The following SGPP2 variants were observed in gnomAD, a reference collection of about 807,000 sequenced individuals.
The protein encoded by SGPP2 is sphingosine-1-phosphate phosphatase 2.
In SGPP2, 30 loss-of-function variants were observed where a neutral mutation model predicts 33.9. That is an observed-to-expected ratio of 0.89 (90% CI 0.66 to 1.20). SGPP2 has a LOEUF of 1.20. Among genes scored for constraint, SGPP2 ranks in the 50% most tolerant of loss-of-function variants. The pLI is 0.00. For synonymous variants in SGPP2, 233 were observed against 225.0 expected (o/e 1.04, Z -0.32); for missense variants, 458 against 532.1 (o/e 0.86, Z 1.37).
intron 1 of SGPP2, among the ~76,000 whole-genome samples, chr2:222,467,260 G>T (rs78042606): frequency 0.016 from 2,483 of 151,434 alleles, 69 homozygotes; most frequent in African/African-American, 0.057. Context: ...CAGGTCATTC[G>T]GATGCATATT....
intron 2 of SGPP2, among the ~76,000 whole-genome samples, chr2:222,502,717 C>T (rs1698385686): frequency 6.6e-6 from 1 of 152,162 alleles, no homozygotes; most frequent in African/African-American, 2.4e-5. Context: ...TGGATAAAGG[C>T]AGCAGCTGCT....
At position 222,477,129 on chromosome 2, in the gene SGPP2, G is replaced by T. The variant is rs542339890; in HGVS notation, c.378+2403G>T. Among the ~76,000 whole-genome samples the T allele has an allele frequency of 6.6e-6, 1 of 151,526 alleles. No homozygotes were observed. The highest frequency in any genetic ancestry group is 1.9e-4 in the East Asian group (1 of 5,156). On this transcript the variant is annotated intron_variant, in intron 2 of 4. Coordinates refer to ENST00000321276, the MANE Select transcript of SGPP2 (RefSeq NM_152386.4). The surrounding 1 kb of genome is among the most constrained non-coding windows in gnomAD (Gnocchi z 6.0). ...TAGGTGTGTATATATGTGTATGTGTGTGTATATAGGTGTGTATATATCTGT... is the reference window on the plus strand; with the variant it reads ...TAGGTGTGTATATATGTGTATGTGTTTGTATATAGGTGTGTATATATCTGT...
At chr2:222,454,081 C>T (rs1697533806) in intron 1 of SGPP2, among the ~76,000 whole-genome samples, 1 of 152,204 alleles carries the variant, frequency 6.6e-6, no homozygotes, top group Admixed American at 6.5e-5. Context: ...CTTTTGTTAA[C>T]AATTACCATT....
chr2:222,466,125 C>T (rs1697740562), intron 1 of SGPP2, among the ~76,000 whole-genome samples: 1 of 152,010 alleles, frequency 6.6e-6, no homozygotes, highest in Non-Finnish European at 1.5e-5. Context: ...GAGACCATAT[C>T]TCTACTTAAA....
At chr2:222,434,806 G>T (rs920439329) in intron 1 of SGPP2, among the ~76,000 whole-genome samples, 1 of 151,962 alleles carries the variant, frequency 6.6e-6, no homozygotes, top group Non-Finnish European at 1.5e-5. Flanking sequence ...AAAAGACCAG[G>T]CCTTAATTGG....
chr2:222,489,858 G>A (rs563715915), intron 2 of SGPP2, among the ~76,000 whole-genome samples: 35 of 152,192 alleles, frequency 2.3e-4, no homozygotes, highest in African/African-American at 7.7e-4. Flanking sequence ...CCAGCTACTC[G>A]GGAGGCTGAG....
chr2:222,544,655 G>T (rs1189907033), intron 4 of SGPP2, among the ~76,000 whole-genome samples: 1 of 152,168 alleles, frequency 6.6e-6, no homozygotes, highest in Non-Finnish European at 1.5e-5. Context: ...GTTCAGTGCA[G>T]ATACAACCAT....
At position 222,558,512 on chromosome 2, in the gene SGPP2, C is replaced by T. The variant is rs1353042352; in HGVS notation, c.814C>T (p.Pro272Ser). The T allele has an allele frequency of 3.1e-6, 5 of 1,614,180 alleles. No individual in the cohort carries two copies. In the Admixed American group the frequency reaches 5.0e-5, roughly 16 times the overall value. The change falls in exon 5 of 5, where the codon CCA becomes TCA. Residue 272 changes from proline (P) to serine (S), a missense_variant. Physicochemically the swap from Pro to Ser is moderately conservative, Grantham distance 74 (BLOSUM62 -1). Transcript: ENST00000321276. ...TTACCCTGTTTCTGATTACTACAGC[C>T]CAACCCGGGCGGACACCACCACCAT... The part of the protein sequence containing the change: ...YNYPVSDYYS[P>S]TRADTTTILA...
intron 1 of SGPP2, among the ~76,000 whole-genome samples, chr2:222,430,175 A>G (rs1312635582): frequency 6.6e-6 from 1 of 152,210 alleles, no homozygotes; most frequent in Non-Finnish European, 1.5e-5. Flanking sequence ...GAGCCCATGA[A>G]GTCTTGAGTT....
chr2:222,429,162 T>C (rs1307886940), intron 1 of SGPP2, among the ~76,000 whole-genome samples: 1 of 152,148 alleles, frequency 6.6e-6, no homozygotes. Context: ...GTATAGTCAC[T>C]TAGAGAAGCT....
At position 222,424,641 on chromosome 2, in the gene SGPP2, C is replaced by A. The variant is rs907090886; in HGVS notation, c.39C>A (p.Leu13=). The change falls in exon 1 of 5, where the codon CTC becomes CTA. Residue 13 remains leucine, a synonymous_variant. Coordinates refer to ENST00000321276, the MANE Select transcript of SGPP2 (RefSeq NM_152386.4). ...ELLRSLQDSQ[L]VARFQRRCGL... Reference sequence around the variant, plus strand: ...TGCGGAGCCTGCAGGATTCCCAGCTCGTCGCCCGCTTCCAGCGCCGCTGCG... The same window carrying A: ...TGCGGAGCCTGCAGGATTCCCAGCTAGTCGCCCGCTTCCAGCGCCGCTGCG... 3.7e-5 allele frequency: 53 copies of A among 1,426,468 alleles called. No individual in the cohort carries two copies. The African/African-American group carries it at 7.2e-4, about 20-fold the overall frequency. The allele number at this position is 1,426,468 out of a possible 1,614,324, so 88.4% of individuals were successfully genotyped here.
rs1335292452 is a variant in SGPP2, at chr2:222,550,857, A to G, written c.649-7490A>G. 6.6e-6 allele frequency among the ~76,000 whole-genome samples: 1 copy of G among 152,196 alleles called. No homozygotes were observed. Among genetic ancestry groups the G allele is most frequent in the Admixed American group, 6.5e-5 (1 of 15,274 alleles). On this transcript the variant is annotated intron_variant, in intron 4 of 4. Coordinates refer to ENST00000321276, the MANE Select transcript of SGPP2 (RefSeq NM_152386.4). This position sits in a 1 kb window ranked among gnomAD's most constrained non-coding sequence, Gnocchi z 4.5. ...AGCTGAAATAACCCAACAAGAACCA[A>G]ACAGGAATCATCCCTGTATGTAAAC...
intron 1 of SGPP2, among the ~76,000 whole-genome samples, chr2:222,432,618 T>C (rs555327774): frequency 1.4e-3 from 210 of 152,140 alleles, no homozygotes; most frequent in African/African-American, 4.5e-3. Flanking sequence ...AATGTTAGAG[T>C]TCTGACAAAC....
Position 222,550,341 on chromosome 2 carries a change from T to C in SGPP2, c.649-8006T>C, listed in dbSNP as rs1689272088. ...ACACTTTGATTTTCACATTCTGATTTTTTTCCTCCTTGATTTCATTTTATT... is the reference window on the plus strand; with the variant it reads ...ACACTTTGATTTTCACATTCTGATTCTTTTCCTCCTTGATTTCATTTTATT... On this transcript the variant is annotated intron_variant, in intron 4 of 4. Coordinates refer to ENST00000321276, the MANE Select transcript of SGPP2 (RefSeq NM_152386.4). This position sits in a 1 kb window ranked among gnomAD's most constrained non-coding sequence, Gnocchi z 4.5. 6.6e-6 allele frequency among the ~76,000 whole-genome samples: 1 copy of C among 152,242 alleles called. No individual in the cohort carries two copies. Among genetic ancestry groups the C allele is most frequent in the South Asian group, 2.1e-4 (1 of 4,828 alleles).
At chr2:222,474,231 C>A (rs1697895094) in intron 1 of SGPP2, among the ~76,000 whole-genome samples, 2 of 152,210 alleles carry the variant, frequency 1.3e-5, no homozygotes, top group South Asian at 4.1e-4. Context: ...CTGCCTATTG[C>A]AGAGACCCAT....
At chr2:222,435,315 G>A (rs1364004965) in intron 1 of SGPP2, among the ~76,000 whole-genome samples, 1 of 152,086 alleles carries the variant, frequency 6.6e-6, no homozygotes, top group African/African-American at 2.4e-5. Flanking sequence ...AGCTGAGGTG[G>A]CAGCTGATTA....
chr2:222,485,433 A>G (rs1047021835), intron 2 of SGPP2, among the ~76,000 whole-genome samples: 4 of 152,200 alleles, frequency 2.6e-5, no homozygotes, highest in African/African-American at 9.7e-5. Flanking sequence ...AGAGCATCAC[A>G]GGGACCTAGC....
chr2:222,424,509 G>A (rs2106049428), upstream of SGPP2: 2 of 902,830 alleles, frequency 2.2e-6, no homozygotes, highest in South Asian at 5.4e-5. Context: ...CGCCCGGAGT[G>A]CGGGATCGGC....
intron 1 of SGPP2, among the ~76,000 whole-genome samples, chr2:222,451,606 C>T (rs1697490176): frequency 6.6e-6 from 1 of 152,218 alleles, no homozygotes; most frequent in Admixed American, 6.5e-5. Context: ...CTTTTATCTG[C>T]CACTTGCTAG....
Sources: gnomAD v4.1 joint callset for allele counts (sites outside exome capture counted in the v4.1 genomes callset) on GRCh38, gnomAD v4.1.1 for gene constraint, Gnocchi (gnomAD v3.1) non-coding constraint, MANE v1.5 for transcripts, NCBI Gene and HGNC (gene_info 2026-07-23, HGNC 2026-07-21) for gene names.